GATC: variants seen among roughly 807,000 people sequenced by gnomAD.
The protein encoded by GATC is glutamyl-tRNA amidotransferase subunit C.
Under a neutral mutation model 14.4 loss-of-function variants are expected in GATC, and 11 were observed. The ratio of observed to expected loss-of-function variants is 0.77; its 90% CI spans 0.48 to 1.27. GATC has a LOEUF of 1.27. Among genes scored for constraint, GATC ranks in the 50% most tolerant of loss-of-function variants. The probability of loss-of-function intolerance (pLI) is 0.00; values close to 1 mark genes in which losing one functional copy is unlikely to be tolerated. For missense variants in GATC, 204 were observed against 183.0 expected (o/e 1.11, Z -0.66); for synonymous variants, 76 against 79.3 (o/e 0.96, Z 0.22).
chr12:120,454,575 AT>A (rs35467904), intron 2 of GATC, among the ~76,000 whole-genome samples: 114 of 144,690 alleles, frequency 7.9e-4, no homozygotes, highest in African/African-American at 7.6e-4. Context: ...CGCCTGGCTA[AT>A]TTTTTTTTTT....
chr12:120,457,207 G>C, intron 3 of GATC, 28 bp downstream of exon 3: 2 of 1,486,564 alleles, frequency 1.3e-6, no homozygotes, highest in Non-Finnish European at 1.9e-6. Flanking sequence ...TGGTTTAACA[G>C]ATAGTCTCAC....
intron 3 of GATC, 79 bp from the exon 4 acceptor site, chr12:120,459,828 G>A: frequency 6.3e-6 from 7 of 1,119,748 alleles, no homozygotes; most frequent in East Asian, 2.7e-5. Flanking sequence ...CTGCACTCCA[G>A]CCTGGGCAAC....
Position 120,462,284 on chromosome 12 carries a change from G to T in GATC, c.*2325G>T, listed in dbSNP as rs895378267. 1 of 1,030,868 alleles carries T rather than the reference G, an allele frequency of 9.7e-7. No individual in the cohort carries two copies. Among genetic ancestry groups the T allele is most frequent in the Non-Finnish European group, 1.4e-6 (1 of 723,360 alleles). The allele number at this position is 1,030,868 out of a possible 1,614,324, so 63.9% of individuals were successfully genotyped here. ...GCACTTACTGTGTACTCTGTGCCTG[G>T]CATGAGGCTATCTCATTAAACCTTC... On this transcript the variant is annotated 3_prime_UTR_variant, in exon 4 of 4. Transcript: ENST00000551765.
intron 2 of GATC, among the ~76,000 whole-genome samples, chr12:120,456,499 C>CTGAA (rs1951713268): frequency 6.6e-6 from 1 of 152,200 alleles, no homozygotes; most frequent in Non-Finnish European, 1.5e-5. Flanking sequence ...AGCTTTCCAG[C>CTGAA]TTCATCTTCC....
At chr12:120,455,681 A>G (rs1467288700) in intron 2 of GATC, among the ~76,000 whole-genome samples, 2 of 151,820 alleles carry the variant, frequency 1.3e-5, no homozygotes, top group Non-Finnish European at 2.9e-5. Context: ...TCTTATTGTG[A>G]CAACTTAGTT....
rs983762896 is a variant in GATC at position 120,460,554 on chromosome 12, C to G, written c.*595C>G. 6.6e-6 allele frequency: 1 copy of G among 152,170 alleles called. No homozygotes were observed. The highest frequency in any genetic ancestry group is 2.4e-5 in the African/African-American group (1 of 41,446). The allele number at this position is 152,170 out of a possible 1,614,324, so 9.4% of individuals were successfully genotyped here. A position where few individuals can be genotyped will look rare whatever the true frequency, so the allele number is the denominator to read the frequency against. ...AAAGTGATTATATGCCAAAGGGATA[C>G]TAGTCATACCTAGTGTTTCTCTTTC... On this transcript the variant is annotated 3_prime_UTR_variant, in exon 4 of 4. Coordinates refer to ENST00000551765, the MANE Select transcript of GATC (RefSeq NM_176818.3).
chr12:120,448,056 G>A (rs1877926212), intron 2 of GATC, among the ~76,000 whole-genome samples: 1 of 152,032 alleles, frequency 6.6e-6, no homozygotes, highest in Non-Finnish European at 1.5e-5. Flanking sequence ...ACCTGGCCGT[G>A]TTTGATTCTT....
At position 120,456,336 on chromosome 12, in the gene GATC, T is replaced by C. The variant is rs143762366; in HGVS notation, c.255-740T>C. On this transcript the variant is annotated intron_variant, in intron 2 of 3. Transcript: ENST00000551765. ...AGATTCTTGAGCTGTTGGTGGCACA[T>C]CTTGCTCAAGGGCAGGCACATCCAC... Among the ~76,000 whole-genome samples, 28 of 152,312 alleles carry C rather than the reference T, an allele frequency of 1.8e-4. 1 individual carries two copies. The East Asian group carries it at 2.3e-3, about 13-fold the overall frequency.
Position 120,460,076 on chromosome 12 carries a change from C to A in GATC, c.*117C>A. On this transcript the variant is annotated 3_prime_UTR_variant, in exon 4 of 4. Transcript: ENST00000551765. ...TCAGTCCCCTGAAAAAATGGATGCT[C>A]AAGCATTTCTTAATAACAGATTCTT... is the stretch of plus-strand genomic sequence containing the variant. The A allele has an allele frequency of 1.4e-6, 1 of 719,562 alleles. No individual in the cohort carries two copies. Among genetic ancestry groups the A allele is most frequent in the Non-Finnish European group, 2.4e-6 (1 of 421,036 alleles). The allele number at this position is 719,562 out of a possible 1,614,324, so 44.6% of individuals were successfully genotyped here. A position where few individuals can be genotyped will look rare whatever the true frequency, so the allele number is the denominator to read the frequency against.
chr12:120,448,342 T>TG (rs1877935369), intron 2 of GATC, among the ~76,000 whole-genome samples: 2 of 151,018 alleles, frequency 1.3e-5, no homozygotes, highest in Admixed American at 6.6e-5. Flanking sequence ...TTTTTTTTTT[T>TG]TTTTGAGGTG....
At chr12:120,451,875 C>CTTTTTTTTTTTTGT in intron 2 of GATC, among the ~76,000 whole-genome samples, 1 of 90,840 alleles carries the variant, frequency 1.1e-5, no homozygotes, top group East Asian at 3.9e-4. Context: ...TATATAAATT[C>CTTTTTTTTTTTTGT]TTTTTTTTTT....
rs1878365311 is a variant in GATC at position 120,462,215 on chromosome 12, A to G, written c.*2256A>G. 6.5e-7 allele frequency: 1 copy of G among 1,544,690 alleles called. No homozygotes were observed. Among genetic ancestry groups the G allele is most frequent in the African/African-American group, 1.4e-5 (1 of 73,180 alleles). ...TAAAGGGGAAAAAAATCAGAGCCAG[A>G]AGAATAAGCAAACCAACATCTAACA... On this transcript the variant is annotated 3_prime_UTR_variant, in exon 4 of 4. Transcript: ENST00000551765.
chr12:120,448,053 C>T lies in GATC; in HGVS notation c.254+1224C>T, dbSNP rs114181011. On this transcript the variant is annotated intron_variant, in intron 2 of 3. Transcript: ENST00000551765. ...ACAGGCATGAGCCACAGCACCTGGC[C>T]GTGTTTGATTCTTTCAAATGTCTTC... 2.9e-3 allele frequency among the ~76,000 whole-genome samples: 434 copies of T among 152,146 alleles called. 1 individual carries two copies. Among genetic ancestry groups the T allele is most frequent in the African/African-American group, 0.01 (420 of 41,500 alleles).
chr12:120,463,252 T>C lies in GATC; in HGVS notation c.*3293T>C, dbSNP rs1364359638. ...ATCAAGAACTACTGAGTCTGAAGGG[T>C]GACATAATCAACCACAAGAAAATGT... On this transcript the variant is annotated 3_prime_UTR_variant, in exon 4 of 4. Transcript: ENST00000551765. 6.6e-6 allele frequency: 1 copy of C among 151,922 alleles called. No homozygotes were observed. The highest frequency in any genetic ancestry group is 1.5e-5 in the Non-Finnish European group (1 of 67,992). The allele number at this position is 151,922 out of a possible 1,614,324, so 9.4% of individuals were successfully genotyped here.
chr12:120,457,265 G>C, intron 3 of GATC, 86 bp downstream of exon 3: 1 of 994,218 alleles, frequency 1.0e-6, no homozygotes, highest in Non-Finnish European at 1.6e-6. Context: ...AAGATGCTAT[G>C]TGAAGGCACT....
In GATC at chr12:120,446,791, A is replaced by T. The variant is rs773623042; in HGVS notation, c.216A>T (p.Thr72=). The T allele has an allele frequency of 1.1e-5, 17 of 1,613,672 alleles. No individual in the cohort carries two copies. The highest frequency in any genetic ancestry group is 1.4e-5 in the Non-Finnish European group (17 of 1,179,960). ...AFADRLRAVD[T]DGVEPMESVL... ...CCGACCGGCTACGCGCCGTGGACACAGACGGGGTGGAGCCCATGGAATCGG... is the reference window on the plus strand; with the variant it reads ...CCGACCGGCTACGCGCCGTGGACACTGACGGGGTGGAGCCCATGGAATCGG... The change falls in exon 2 of 4, where the codon ACA becomes ACT. Residue 72 remains threonine, a synonymous_variant. Coordinates refer to ENST00000551765, the MANE Select transcript of GATC (RefSeq NM_176818.3).
In GATC at chr12:120,463,574, G is replaced by C. The variant is rs1878413665; in HGVS notation, c.*3615G>C. ...TGAAGAGGCTGACCTGTAGAGCTCA[G>C]CCTGGACCCACAGGAGGGGTAGTTG... On this transcript the variant is annotated 3_prime_UTR_variant, in exon 4 of 4. Transcript: ENST00000551765. 6.0e-6 allele frequency: 1 copy of C among 165,472 alleles called. No homozygotes were observed. Among genetic ancestry groups the C allele is most frequent in the Non-Finnish European group, 1.3e-5 (1 of 76,210 alleles). 10.3% of individuals were successfully genotyped at this position (165,472 alleles called of 1,614,324 possible).
chr12:120,455,566 G>GT (rs1464746141), intron 2 of GATC, among the ~76,000 whole-genome samples: 1 of 152,118 alleles, frequency 6.6e-6, no homozygotes, highest in African/African-American at 2.4e-5. Context: ...GCCAGGTCCT[G>GT]TAACAGACTT....
chr12:120,461,754 CACAAAGACAGA>C lies in GATC; in HGVS notation c.*1798_*1808del, dbSNP rs1292554715. ...TGTTGATCTCCATAGTAGAGCAACC[CACAAAGACAGA>C]ACTGATTTTTTTCCCATAATCAGGG... On this transcript the variant is annotated 3_prime_UTR_variant, in exon 4 of 4. Transcript: ENST00000551765. 1 of 301,896 alleles carries C rather than the reference CACAAAGACAGA, an allele frequency of 3.3e-6. No homozygotes were observed. The highest frequency in any genetic ancestry group is 6.1e-6 in the Non-Finnish European group (1 of 164,238). 18.7% of individuals were successfully genotyped at this position (301,896 alleles called of 1,614,324 possible).
Sources: allele counts gnomAD v4.1 joint callset (sites outside exome capture counted in the v4.1 genomes callset), GRCh38; gene constraint gnomAD v4.1.1; transcripts MANE v1.5; gene names NCBI Gene and HGNC (gene_info 2026-07-23, HGNC 2026-07-21).